ADCY5: variants seen among roughly 807,000 people sequenced by gnomAD.
ADCY5 encodes the protein adenylate cyclase 5, also known as adenylate cyclase type 5.
Under a neutral mutation model 119.7 loss-of-function variants are expected in ADCY5, and 30 were observed. That is an observed-to-expected ratio of 0.25 (90% CI 0.19 to 0.34). The LOEUF is 0.34. Among genes scored for constraint, ADCY5 ranks in the 10% least tolerant of loss-of-function variants. The pLI is 1.00. For missense variants in ADCY5, 1,324 were observed against 1,775.2 expected (o/e 0.75, Z 4.57); for synonymous variants, 753 against 762.2 (o/e 0.99, Z 0.20).
rs768832536 is a variant in ADCY5 at position 123,352,409 on chromosome 3, G to A, written c.1284+23C>T. 9.3e-6 allele frequency: 15 copies of A among 1,604,944 alleles called. No homozygotes were observed. The highest frequency in any genetic ancestry group is 1.2e-5 in the Non-Finnish European group (14 of 1,177,236). ...TCAGGGCTCGACTCCGTCCCACTGT[G>A]CAAGGGCAGGGGCCTCACTCACCTG... On this transcript the variant is annotated intron_variant, in intron 2 of 20. Coordinates refer to ENST00000462833, the MANE Select transcript of ADCY5 (RefSeq NM_183357.3). This position sits in a 1 kb window ranked among gnomAD's most constrained non-coding sequence, Gnocchi z 4.8.
chr3:123,317,917 C>T (rs979533626), intron 11 of ADCY5, 103 bp downstream of exon 11: 20 of 1,066,318 alleles, frequency 1.9e-5, no homozygotes, highest in Non-Finnish European at 2.5e-5. Context: ...TGAGCAAGTG[C>T]AGGCCAGACT....
At chr3:123,379,161 A>G (rs1943942374) in intron 1 of ADCY5, among the ~76,000 whole-genome samples, 1 of 152,134 alleles carries the variant, frequency 6.6e-6, no homozygotes, top group African/African-American at 2.4e-5. Flanking sequence ...TGTTCACTTT[A>G]ATACACGCCT....
At chr3:123,395,228 A>T (rs1944507774) in intron 1 of ADCY5, among the ~76,000 whole-genome samples, 1 of 152,194 alleles carries the variant, frequency 6.6e-6, no homozygotes, top group African/African-American at 2.4e-5. Context: ...AGGGCCTTCA[A>T]GGCCTCCCAA....
intron 12 of ADCY5, among the ~76,000 whole-genome samples, chr3:123,312,920 T>C (rs1940664208): frequency 1.4e-5 from 2 of 141,570 alleles, no homozygotes; most frequent in South Asian, 4.2e-4. Flanking sequence ...GGGGGGGCCT[T>C]GACAACAGAA....
intron 3 of ADCY5, among the ~76,000 whole-genome samples, chr3:123,340,093 C>G (rs186719212): frequency 2.0e-4 from 30 of 152,068 alleles, no homozygotes; most frequent in Non-Finnish European, 4.1e-4. Flanking sequence ...AGTCGGAGGC[C>G]GGTCTAAGCA....
chr3:123,412,397 T>C (rs931576), intron 1 of ADCY5, among the ~76,000 whole-genome samples: 151,846 of 152,336 alleles, frequency 1, 75,681 homozygotes, highest in Middle Eastern at 1. Flanking sequence ...TCTGAATAGA[T>C]GCCAGACAAC....
At chr3:123,391,509 G>A (rs900143508) in intron 1 of ADCY5, among the ~76,000 whole-genome samples, 1 of 152,096 alleles carries the variant, frequency 6.6e-6, no homozygotes, top group African/African-American at 2.4e-5. Flanking sequence ...GCGGCCAATG[G>A]AGACGTCCTT....
intron 1 of ADCY5, among the ~76,000 whole-genome samples, chr3:123,402,499 T>G (rs1253064504): frequency 6.6e-6 from 1 of 152,200 alleles, no homozygotes; most frequent in African/African-American, 2.4e-5. Context: ...CGGCTTCTTT[T>G]GAATCTCTCC....
At chr3:123,390,906 C>T (rs77647615) in intron 1 of ADCY5, among the ~76,000 whole-genome samples, 2,585 of 152,328 alleles carry the variant, frequency 0.017, 84 homozygotes, top group African/African-American at 0.059. Flanking sequence ...AAGAGAGACA[C>T]GTGGGATGTG....
intron 12 of ADCY5, among the ~76,000 whole-genome samples, chr3:123,309,984 G>A (rs80048840): frequency 0.016 from 2,452 of 152,154 alleles, 62 homozygotes; most frequent in African/African-American, 0.052. Flanking sequence ...AGCAGACAGG[G>A]CCCACAGGAG....
At chr3:123,429,465 C>A (rs1214971864) in intron 1 of ADCY5, among the ~76,000 whole-genome samples, 1 of 152,068 alleles carries the variant, frequency 6.6e-6, no homozygotes, top group Non-Finnish European at 1.5e-5. Flanking sequence ...ACAAAGTCTG[C>A]CTCTCCTCAG....
At chr3:123,337,484 G>T (rs1942078956) in intron 3 of ADCY5, among the ~76,000 whole-genome samples, 1 of 152,220 alleles carries the variant, frequency 6.6e-6, no homozygotes, top group African/African-American at 2.4e-5. Context: ...TGAGATCAAG[G>T]AGTCGGTAGG....
At chr3:123,368,083 T>C in intron 1 of ADCY5, 1 of 1,419,382 alleles carries the variant, frequency 7.0e-7, no homozygotes, top group Non-Finnish European at 9.2e-7. Flanking sequence ...GTGAGAGGAG[T>C]GCTATGCTGG....
chr3:123,322,973 C>T (rs1486968232), intron 8 of ADCY5, among the ~76,000 whole-genome samples: 1 of 152,232 alleles, frequency 6.6e-6, no homozygotes, highest in Non-Finnish European at 1.5e-5. Context: ...GGTGAAAGCT[C>T]GCCTTCCATG....
chr3:123,296,035 C>A (rs1237478916), intron 17 of ADCY5, 49 bp downstream of exon 17: 3 of 1,604,116 alleles, frequency 1.9e-6, no homozygotes, highest in Non-Finnish European at 2.6e-6. Context: ...GTCTCCGCCA[C>A]CTGCTCCCAA....
intron 1 of ADCY5, among the ~76,000 whole-genome samples, chr3:123,399,116 T>TA (rs1291043789): frequency 1.3e-5 from 2 of 152,218 alleles, no homozygotes; most frequent in Admixed American, 6.5e-5. Flanking sequence ...GGCCAAAGTC[T>TA]AGAGCAGTGC....
intron 1 of ADCY5, among the ~76,000 whole-genome samples, chr3:123,417,673 G>A (rs1945216580): frequency 6.6e-6 from 1 of 152,172 alleles, no homozygotes; most frequent in Admixed American, 6.5e-5. Flanking sequence ...GAAGATGGCA[G>A]GTCTAAATCC....
At chr3:123,341,124 CA>C (rs1002245932) in intron 3 of ADCY5, among the ~76,000 whole-genome samples, 17 of 143,240 alleles carry the variant, frequency 1.2e-4, no homozygotes, top group East Asian at 8.0e-4. Context: ...GACTCCATCT[CA>C]AAAAAAAAAA....
chr3:123,309,233 A>G (rs1333205815), intron 12 of ADCY5, among the ~76,000 whole-genome samples: 1 of 152,224 alleles, frequency 6.6e-6, no homozygotes, highest in Non-Finnish European at 1.5e-5. Context: ...ATGAAATTGG[A>G]TGGCAAAACA....
Sources: allele counts gnomAD v4.1 joint callset (sites outside exome capture counted in the v4.1 genomes callset), GRCh38; gene constraint gnomAD v4.1.1; non-coding constraint Gnocchi (gnomAD v3.1); transcripts MANE v1.5; gene names NCBI Gene and HGNC (gene_info 2026-07-23, HGNC 2026-07-21).